PPP3R1: variants seen among roughly 807,000 people sequenced by gnomAD.
PPP3R1 encodes calcineurin subunit B type 1.
In PPP3R1, 5 loss-of-function variants were observed where a neutral mutation model predicts 22.6. That is an observed-to-expected ratio of 0.22 (90% CI 0.12 to 0.46). The LOEUF (loss-of-function observed/expected upper bound fraction) is 0.46, where lower values mean the gene tolerates loss of function less well. Ranked by LOEUF, PPP3R1 falls within the 20% of genes least tolerant of loss-of-function variation. The probability of loss-of-function intolerance (pLI) is 0.99; values close to 1 mark genes in which losing one functional copy is unlikely to be tolerated. For missense variants in PPP3R1, 61 were observed against 203.2 expected, an observed-to-expected ratio of 0.30 and a Z score of 4.25; for synonymous variants, 56 against 65.2, an observed-to-expected ratio of 0.86 and a Z score of 0.68.
intron 1 of PPP3R1, among the ~76,000 whole-genome samples, chr2:68,224,907 T>C: frequency 6.6e-6 from 1 of 152,160 alleles, no homozygotes; most frequent in East Asian, 1.9e-4. Flanking sequence ...ACAAAAGATA[T>C]GATTAACATC....
rs143129180 is a variant in PPP3R1, at chr2:68,208,114, T to C, written c.43+8978A>G. 3.0e-3 allele frequency among the ~76,000 whole-genome samples: 463 copies of C among 152,140 alleles called. 3 individuals carry two copies. The highest frequency in any genetic ancestry group is 9.7e-3 in the South Asian group (47 of 4,824). On this transcript the variant is annotated intron_variant, in intron 2 of 5. Coordinates refer to ENST00000234310, the MANE Select transcript of PPP3R1 (RefSeq NM_000945.4). Reference sequence around the variant, plus strand: ...GTTGCAGTGAGCCGAGACCACGCCATTGCACTCCAGCCTGGGCAACAAGAG... The same window carrying C: ...GTTGCAGTGAGCCGAGACCACGCCACTGCACTCCAGCCTGGGCAACAAGAG...
intron 1 of PPP3R1, among the ~76,000 whole-genome samples, chr2:68,236,818 A>C (rs1399423765): frequency 6.6e-6 from 1 of 152,098 alleles, no homozygotes. Flanking sequence ...TCTAGTATGC[A>C]AGAGCCATTG....
intron 5 of PPP3R1, among the ~76,000 whole-genome samples, chr2:68,181,773 T>C (rs1349467124): frequency 6.6e-6 from 1 of 152,128 alleles, no homozygotes; most frequent in Non-Finnish European, 1.5e-5. Flanking sequence ...CAATCAAATA[T>C]GCGTGTCACT....
chr2:68,187,187 G>C, intron 4 of PPP3R1, 68 bp downstream of exon 4: 3 of 1,228,442 alleles, frequency 2.4e-6, no homozygotes, highest in East Asian at 5.0e-5. Context: ...ATTTTAAAAA[G>C]CATTCTATAA....
At chr2:68,181,704 C>G (rs2103711130) in intron 5 of PPP3R1, among the ~76,000 whole-genome samples, 1 of 152,000 alleles carries the variant, frequency 6.6e-6, no homozygotes, top group Admixed American at 6.5e-5. Flanking sequence ...TTTGCTGGCC[C>G]CTACTTCAGT....
intron 2 of PPP3R1, among the ~76,000 whole-genome samples, chr2:68,198,062 CAAA>C (rs199824687): frequency 1.8e-3 from 77 of 41,964 alleles, no homozygotes; most frequent in African/African-American, 5.2e-3. Flanking sequence ...GCACCTTTGG[CAAA>C]AAAAAAAAAA....
intron 2 of PPP3R1, among the ~76,000 whole-genome samples, chr2:68,209,381 A>C (rs985949149): frequency 7.2e-6 from 1 of 138,682 alleles, no homozygotes; most frequent in African/African-American, 2.7e-5. Context: ...AAAAAAAAAA[A>C]AAAAAAAAAA....
intron 1 of PPP3R1, among the ~76,000 whole-genome samples, chr2:68,229,986 ACACACACACAC>A (rs1669861834): frequency 9.3e-6 from 1 of 107,850 alleles, no homozygotes; most frequent in African/African-American, 5.8e-5. Flanking sequence ...ACACACACAC[ACACACACACAC>A]ACACACACAC....
chr2:68,228,063 C>A (rs1669820617), intron 1 of PPP3R1, among the ~76,000 whole-genome samples: 1 of 152,078 alleles, frequency 6.6e-6, no homozygotes, highest in South Asian at 2.1e-4. Flanking sequence ...TGTCTTTTGC[C>A]ATTAAGTATA....
intron 2 of PPP3R1, among the ~76,000 whole-genome samples, chr2:68,203,829 G>C (rs1425859209): frequency 1.3e-5 from 2 of 152,184 alleles, no homozygotes; most frequent in African/African-American, 4.8e-5. Context: ...CAGAAACAGC[G>C]TTCTAACGGC....
chr2:68,223,794 CA>C (rs1669731416), intron 1 of PPP3R1, among the ~76,000 whole-genome samples: 1 of 102,868 alleles, frequency 9.7e-6, no homozygotes, highest in Admixed American at 9.9e-5. Context: ...TGCACAAATA[CA>C]AAAGGGAAGA....
At chr2:68,235,725 T>C (rs190492499) in intron 1 of PPP3R1, among the ~76,000 whole-genome samples, 2 of 152,324 alleles carry the variant, frequency 1.3e-5, no homozygotes, top group African/African-American at 4.8e-5. Flanking sequence ...TACCCAGGAA[T>C]GGAATTACTA....
Position 68,180,948 on chromosome 2 carries a change from ACT to A in PPP3R1, c.*13_*14del, listed in dbSNP as rs1558625240. 2 of 1,608,824 alleles carry A rather than the reference ACT, an allele frequency of 1.2e-6. No individual in the cohort carries two copies. The highest frequency in any genetic ancestry group is 1.7e-6 in the Non-Finnish European group (2 of 1,175,428). ...GAAGAAAGCAAAAGTGTTGGGTGGT[ACT>A]CTCTGATAAGAGTCACACATCTACC... On this transcript the variant is annotated 3_prime_UTR_variant, in exon 6 of 6. Coordinates refer to ENST00000234310, the MANE Select transcript of PPP3R1 (RefSeq NM_000945.4).
In PPP3R1 at chr2:68,186,781, T is replaced by C. The variant is rs1312813561; in HGVS notation, c.281-129A>G. 5 of 916,478 alleles carry C rather than the reference T, an allele frequency of 5.5e-6. No individual in the cohort carries two copies. The East Asian group carries it at 7.9e-5, about 15-fold the overall frequency. The allele number at this position is 916,478 out of a possible 1,614,324, so 56.8% of individuals were successfully genotyped here. ...TATGAGGATGTCTCCTTCCTTAAAA[T>C]AGAGTTGTCCTTAGGCACAGTTTAA... On this transcript the variant is annotated intron_variant, in intron 4 of 5. Transcript: ENST00000234310.
At chr2:68,185,509 T>TTA (rs375732081) in intron 5 of PPP3R1, among the ~76,000 whole-genome samples, 3,598 of 146,180 alleles carry the variant, frequency 0.025, 76 homozygotes, top group African/African-American at 0.057. Context: ...TACATTTTAT[T>TTA]TATATATATA....
chr2:68,252,240 C>CGGGGAGGGGGCGCGCGTG lies in PPP3R1; in HGVS notation c.-131_-114dup, dbSNP rs1670382261. On this transcript the variant is annotated 5_prime_UTR_variant, in exon 1 of 6. Transcript: ENST00000234310. ...CCAGCTGCGGCCCTCGGGTCGCCGG[C>CGGGGAGGGGGCGCGCGTG]GGGGAGGGGGCGCGCGTGGGGGAGG... The CGGGGAGGGGGCGCGCGTG allele has an allele frequency of 1.9e-6, 2 of 1,048,736 alleles. No homozygotes were observed. Among genetic ancestry groups the CGGGGAGGGGGCGCGCGTG allele is most frequent in the Non-Finnish European group, 2.3e-6 (2 of 870,946 alleles). 65.0% of individuals were successfully genotyped at this position (1,048,736 alleles called of 1,614,324 possible).
chr2:68,187,467 C>A (rs775031136), intron 3 of PPP3R1, among the ~76,000 whole-genome samples, 153 bp from the exon 4 acceptor site: 4 of 152,134 alleles, frequency 2.6e-5, no homozygotes, highest in African/African-American at 7.2e-5. Context: ...AAATTTGAAA[C>A]CTCAACAAAC....
At chr2:68,211,233 TGTCTC>T (rs386646984) in intron 2 of PPP3R1, among the ~76,000 whole-genome samples, 3,530 of 151,918 alleles carry the variant, frequency 0.023, 127 homozygotes, top group African/African-American at 0.081. Flanking sequence ...AATGAAACCC[TGTCTC>T]TACTAAAAAT....
intron 2 of PPP3R1, among the ~76,000 whole-genome samples, chr2:68,191,453 A>T (rs1475857745): frequency 3.3e-5 from 5 of 152,360 alleles, no homozygotes; most frequent in African/African-American, 7.2e-5. Flanking sequence ...GGCATTTACC[A>T]TGAAAGGAGC....
Sources: gnomAD v4.1 joint callset for allele counts (sites outside exome capture counted in the v4.1 genomes callset) on GRCh38, gnomAD v4.1.1 for gene constraint, MANE v1.5 for transcripts, NCBI Gene and HGNC (gene_info 2026-07-23, HGNC 2026-07-21) for gene names.